The following CLASP1 variants were observed in gnomAD, a reference collection of about 807,000 sequenced individuals.
CLASP1 encodes cytoplasmic linker associated protein 1.
In CLASP1, 38 loss-of-function variants were observed where a neutral mutation model predicts 192.3. That is an observed-to-expected ratio of 0.20 (90% CI 0.15 to 0.26). The LOEUF is 0.26. Ranked by LOEUF, CLASP1 falls within the 10% of genes least tolerant of loss-of-function variation. The probability of loss-of-function intolerance (pLI) is 1.00; values close to 1 mark genes in which losing one functional copy is unlikely to be tolerated. For missense variants in CLASP1, 1,433 were observed against 1,932.5 expected (o/e 0.74, Z 4.85); for synonymous variants, 691 against 712.8 (o/e 0.97, Z 0.49).
At chr2:121,534,488 C>G (rs887566277) in intron 2 of CLASP1, among the ~76,000 whole-genome samples, 2 of 152,212 alleles carry the variant, frequency 1.3e-5, no homozygotes, top group Non-Finnish European at 2.9e-5. Context: ...AAACATCATC[C>G]TAATAATCTA....
intron 1 of CLASP1, among the ~76,000 whole-genome samples, chr2:121,625,621 G>C (rs547751660): frequency 8.4e-4 from 128 of 151,812 alleles, no homozygotes; most frequent in Non-Finnish European, 1.1e-3. Flanking sequence ...TTTTAGAAGA[G>C]ACGGGTTTCA....
rs189426827 is a variant in CLASP1 at position 121,531,227 on chromosome 2, T to C, written c.196-902A>G. ...CATCAACTGTTCTGTAACTTCCTTA[T>C]GCTGAGTCAGCCCAGTAGTCTAGGT... On this transcript the variant is annotated intron_variant, in intron 2 of 39. Transcript: ENST00000263710. Among the ~76,000 whole-genome samples the C allele has an allele frequency of 2.8e-3, 419 of 152,314 alleles. 2 individuals carry two copies. The highest frequency in any genetic ancestry group is 0.01 in the Middle Eastern group (3 of 294).
intron 9 of CLASP1, among the ~76,000 whole-genome samples, chr2:121,467,121 T>A (rs2089743378): frequency 6.6e-6 from 1 of 152,200 alleles, no homozygotes; most frequent in Admixed American, 6.5e-5. Flanking sequence ...GGCTTCCACC[T>A]CCATCCATGT....
At chr2:121,509,560 G>A (rs893279510) in intron 7 of CLASP1, among the ~76,000 whole-genome samples, 5 of 152,228 alleles carry the variant, frequency 3.3e-5, no homozygotes, top group Middle Eastern at 3.4e-3. Flanking sequence ...ATTTCAAGCC[G>A]GGCACGGTGG....
At chr2:121,643,633 A>G (rs2072575145) in intron 1 of CLASP1, among the ~76,000 whole-genome samples, 1 of 152,208 alleles carries the variant, frequency 6.6e-6, no homozygotes, top group South Asian at 2.1e-4. Context: ...TTATTTATAA[A>G]TCTACAAAAA....
At chr2:121,397,077 T>C in intron 30 of CLASP1, 63 bp downstream of exon 31, 2 of 1,560,874 alleles carry the variant, frequency 1.3e-6, no homozygotes, top group African/African-American at 1.4e-5. Context: ...AGTTTCTAAA[T>C]ACATTTCTCT....
intron 2 of CLASP1, among the ~76,000 whole-genome samples, chr2:121,533,530 T>A (rs1404776982): frequency 6.6e-6 from 1 of 152,158 alleles, no homozygotes; most frequent in Non-Finnish European, 1.5e-5. Context: ...TTTCCCCCTA[T>A]TTCTGCTTTC....
intron 2 of CLASP1, among the ~76,000 whole-genome samples, chr2:121,551,270 A>G (rs1235153598): frequency 6.6e-6 from 1 of 152,228 alleles, no homozygotes; most frequent in African/African-American, 2.4e-5. Context: ...AGCTAGAAGC[A>G]TTCCCCTTGA....
intron 2 of CLASP1, among the ~76,000 whole-genome samples, chr2:121,534,568 C>T (rs2094991762): frequency 6.6e-6 from 1 of 152,054 alleles, no homozygotes; most frequent in Non-Finnish European, 1.5e-5. Context: ...GACAGAGTCT[C>T]GCTCTGTTGC....
At position 121,530,970 on chromosome 2, in the gene CLASP1, T is replaced by G. The variant is rs1044488450; in HGVS notation, c.196-645A>C. 1 of 699,708 alleles carries G rather than the reference T, an allele frequency of 1.4e-6. No individual in the cohort carries two copies. The highest frequency in any genetic ancestry group is 2.0e-5 in the Admixed American group (1 of 49,966). The allele number at this position is 699,708 out of a possible 1,614,324, so 43.3% of individuals were successfully genotyped here. A position where few individuals can be genotyped will look rare whatever the true frequency, so the allele number is the denominator to read the frequency against. ...GCCTGAACAACACACCCGCATCAAC[T>G]AGAGCTTTTGCTTTATTTTGGTGCA... On this transcript the variant is annotated intron_variant, in intron 2 of 39. Coordinates refer to ENST00000263710, the Ensembl canonical transcript of CLASP1.
At chr2:121,613,628 T>A (rs12994614) in intron 1 of CLASP1, among the ~76,000 whole-genome samples, 28,470 of 75,040 alleles carry the variant, frequency 0.38, 4,784 homozygotes, top group African/African-American at 0.58. Flanking sequence ...GCCTTTTTTT[T>A]TAAAAAAAAA....
chr2:121,362,497 T>C (rs1489697576), intron 37 of CLASP1, among the ~76,000 whole-genome samples: 1 of 152,200 alleles, frequency 6.6e-6, no homozygotes, highest in African/African-American at 2.4e-5. Context: ...GATAGCTTGC[T>C]AGCATTTTAA....
exon 19 of CLASP1, chr2:121,447,411 T>G: frequency 6.4e-7 from 1 of 1,574,400 alleles, no homozygotes; most frequent in Non-Finnish European, 8.6e-7. Flanking sequence ...TGAGGAGACT[T>G]TGGATTTGGC....
At chr2:121,374,645 C>T (rs2069572514) in intron 34 of CLASP1, among the ~76,000 whole-genome samples, 1 of 152,228 alleles carries the variant, frequency 6.6e-6, no homozygotes, top group African/African-American at 2.4e-5. Context: ...GCCTTGGGAG[C>T]CTACTCCTTG....
At chr2:121,640,210 G>A (rs1363975984) in intron 1 of CLASP1, among the ~76,000 whole-genome samples, 1 of 151,708 alleles carries the variant, frequency 6.6e-6, no homozygotes, top group Non-Finnish European at 1.5e-5. Context: ...TCACACACTA[G>A]GGTCTGCCAT....
At chr2:121,577,665 T>C (rs963733878) in intron 2 of CLASP1, among the ~76,000 whole-genome samples, 25 of 152,204 alleles carry the variant, frequency 1.6e-4, no homozygotes, top group African/African-American at 6.0e-4. Flanking sequence ...GGGTTCAAGT[T>C]TATTTTTAGT....
intron 2 of CLASP1, chr2:121,531,081 A>AT: frequency 1.5e-6 from 1 of 682,388 alleles, no homozygotes; most frequent in South Asian, 1.5e-5. Context: ...TTTGTGGTTA[A>AT]ACCAGTAGAG....
chr2:121,632,431 T>G (rs368672890), intron 1 of CLASP1, among the ~76,000 whole-genome samples: 2 of 152,126 alleles, frequency 1.3e-5, no homozygotes, highest in African/African-American at 4.8e-5. Flanking sequence ...CAGCATTGTT[T>G]ATAAAAGCAA....
intron 1 of CLASP1, among the ~76,000 whole-genome samples, chr2:121,641,952 AGT>A (rs1171151416): frequency 6.6e-6 from 1 of 150,804 alleles, no homozygotes; most frequent in East Asian, 2.0e-4. Context: ...TGAGCCCAGG[AGT>A]TCGAGTAGCC....
Sources: allele counts gnomAD v4.1 joint callset (sites outside exome capture counted in the v4.1 genomes callset), GRCh38; gene constraint gnomAD v4.1.1; transcripts MANE v1.5; gene names NCBI Gene and HGNC (gene_info 2026-07-23, HGNC 2026-07-21).